The following IQSEC2 variants were observed in gnomAD, a reference collection of about 807,000 sequenced individuals.
IQSEC2 encodes the protein IQ motif and SEC7 domain-containing protein 2.
In IQSEC2, 6 loss-of-function variants were observed where a neutral mutation model predicts 74.6. The ratio of observed to expected loss-of-function variants is 0.08; its 90% CI spans 0.04 to 0.16. The LOEUF is 0.16. IQSEC2 is among the 10% of genes least tolerant of loss of function. The probability of loss-of-function intolerance (pLI) is 1.00; values close to 1 mark genes in which losing one functional copy is unlikely to be tolerated. For synonymous variants in IQSEC2, 494 were observed against 544.5 expected (o/e 0.91, Z 1.29); for missense variants, 734 against 1,306.2 (o/e 0.56, Z 6.75).
At chrX:53,260,686 C>G (rs2074555524) in intron 2 of IQSEC2, among the ~76,000 whole-genome samples, 1 of 111,231 alleles carries the variant, frequency 9.0e-6, no homozygotes, top group Admixed American at 9.6e-5. Flanking sequence ...TGTCTTACAC[C>G]CGCTCCTCTC....
intron 1 of IQSEC2, among the ~76,000 whole-genome samples, chrX:53,309,857 G>A (rs1260999713): frequency 1.2e-4 from 13 of 112,155 alleles, no homozygotes; most frequent in African/African-American, 4.2e-4. Flanking sequence ...ACTGGTGGCT[G>A]AGGCAAAAAG....
intron 4 of IQSEC2, among the ~76,000 whole-genome samples, chrX:53,253,640 C>T (rs1212421012): frequency 1.8e-5 from 2 of 112,228 alleles, no homozygotes; most frequent in Admixed American, 1.9e-4. Context: ...TTTCCTCCCC[C>T]TCCTCTGGGT....
chrX:53,313,370 C>T (rs781936353), intron 1 of IQSEC2, among the ~76,000 whole-genome samples: 6 of 111,932 alleles, frequency 5.4e-5, no homozygotes, highest in Admixed American at 3.8e-4. Context: ...TACACAAAGT[C>T]CTTCCATGGC....
intron 2 of IQSEC2, chrX:53,281,667 G>A: frequency 1.4e-6 from 1 of 694,549 alleles, no homozygotes; most frequent in South Asian, 3.6e-5. Flanking sequence ...GATTGCAACT[G>A]GAAACTTTGC....
intron 2 of IQSEC2, chrX:53,279,577 G>A (rs782086042): frequency 5.1e-5 from 60 of 1,187,031 alleles, no homozygotes; most frequent in Non-Finnish European, 6.6e-5. Context: ...CTCTCTGCCA[G>A]CCTGCCTGAG....
intron 1 of IQSEC2, among the ~76,000 whole-genome samples, chrX:53,316,034 C>T (rs1556878993): frequency 8.9e-6 from 1 of 112,149 alleles, no homozygotes; most frequent in African/African-American, 3.2e-5. Flanking sequence ...ACTTCCACTC[C>T]TCACCATTCT....
intron 1 of IQSEC2, among the ~76,000 whole-genome samples, chrX:53,319,380 A>G (rs1251256638): frequency 8.9e-6 from 1 of 111,959 alleles, no homozygotes; most frequent in African/African-American, 3.3e-5. Context: ...TTGCCATTTA[A>G]AAAGATACGG....
chrX:53,312,606 A>C (rs1247073978), intron 1 of IQSEC2, among the ~76,000 whole-genome samples: 3 of 112,199 alleles, frequency 2.7e-5, no homozygotes, highest in African/African-American at 9.7e-5. Flanking sequence ...GCTATCGCTG[A>C]GTAAACACAT....
At chrX:53,289,125 C>CAAGGAGAGA (rs1428736520) in intron 2 of IQSEC2, among the ~76,000 whole-genome samples, 8,695 of 111,171 alleles carry the variant, frequency 0.078, 863 homozygotes, top group African/African-American at 0.27. Flanking sequence ...CCAGGCCTAG[C>CAAGGAGAGA]GCCTCTCCTC....
At chrX:53,272,684 G>A (rs1291514364) in intron 2 of IQSEC2, among the ~76,000 whole-genome samples, 5 of 111,292 alleles carry the variant, frequency 4.5e-5, no homozygotes, top group Non-Finnish European at 9.4e-5. Flanking sequence ...TCCCAGGAAC[G>A]CCTACTCTTA....
intron 2 of IQSEC2, chrX:53,266,520 T>A: frequency 1.3e-6 from 1 of 757,975 alleles, no homozygotes; most frequent in South Asian, 6.6e-5. Flanking sequence ...CTAGGCAGGC[T>A]GGGTCCTGCC....
intron 1 of IQSEC2, among the ~76,000 whole-genome samples, chrX:53,311,829 T>C (rs1200355153): frequency 9.0e-6 from 1 of 111,703 alleles, no homozygotes; most frequent in African/African-American, 3.3e-5. Context: ...GGCAGGAGAA[T>C]TGCTTGAACC....
chrX:53,263,290 A>G (rs1225314361), intron 2 of IQSEC2, among the ~76,000 whole-genome samples: 1 of 111,889 alleles, frequency 8.9e-6, no homozygotes, highest in Admixed American at 9.4e-5. Flanking sequence ...CAGAAGATGC[A>G]CAGAGCTGGG....
At position 53,236,475 on chromosome X, in the gene IQSEC2, C is replaced by T. The variant is rs1318673146; in HGVS notation, c.3298G>A (p.Gly1100Ser). ...RVESELEKQK[G>S]MMRPNASQPG... ...TGTGAGGCGTTAGGCCGCATCATAC[C>T]TTTCTGCTTCTCCAGCTCCGCTGGG... Residue 1100 changes from glycine (G) to serine (S), a missense_variant, in exon 13 of 15, where the codon GGT (glycine) becomes AGT (serine). By Grantham distance (56) the Gly-to-Ser change is moderately conservative. Transcript: ENST00000642864. 8.4e-7 allele frequency: 1 copy of T among 1,197,225 alleles called. No homozygotes were observed.
intron 2 of IQSEC2, among the ~76,000 whole-genome samples, chrX:53,261,666 ACACT>A (rs1181960841): frequency 2.7e-5 from 3 of 111,344 alleles, no homozygotes; most frequent in African/African-American, 6.5e-5. Flanking sequence ...CCACACACAC[ACACT>A]CACACACACA....
At chrX:53,276,318 G>T (rs1208673229) in intron 2 of IQSEC2, among the ~76,000 whole-genome samples, 1 of 111,823 alleles carries the variant, frequency 8.9e-6, no homozygotes, top group Non-Finnish European at 1.9e-5. Flanking sequence ...TTTCTATTGT[G>T]AATGGGATCT....
intron 1 of IQSEC2, among the ~76,000 whole-genome samples, chrX:53,298,084 C>T (rs781956116): frequency 3.6e-5 from 4 of 111,738 alleles, no homozygotes; most frequent in African/African-American, 1.3e-4. Flanking sequence ...GAGCTAAGAT[C>T]GCGCCACTGC....
intron 1 of IQSEC2, among the ~76,000 whole-genome samples, chrX:53,307,698 G>T (rs891803651): frequency 6.8e-5 from 7 of 103,223 alleles, no homozygotes; most frequent in African/African-American, 2.5e-4. Flanking sequence ...TGAGGTCAGG[G>T]GTTCGAGACT....
chrX:53,302,215 G>A (rs1228665737), intron 1 of IQSEC2, among the ~76,000 whole-genome samples: 1 of 112,306 alleles, frequency 8.9e-6, no homozygotes, highest in Non-Finnish European at 1.9e-5. Context: ...TGGGCCTTCT[G>A]CAATCCCCAG....
Sources: allele counts gnomAD v4.1 joint callset (sites outside exome capture counted in the v4.1 genomes callset), GRCh38; gene constraint gnomAD v4.1.1; transcripts MANE v1.5; gene names NCBI Gene and HGNC (gene_info 2026-07-23, HGNC 2026-07-21).